Variants in ACTR3C observed in about 807,000 individuals in gnomAD.
ACTR3C encodes actin-related protein 3C.
In ACTR3C, 18 loss-of-function variants were observed where a neutral mutation model predicts 26.3. The ratio of observed to expected loss-of-function variants is 0.68; its 90% confidence interval spans 0.47 to 1.01. The LOEUF is 1.01. Among genes scored for constraint, ACTR3C ranks in the 50% least tolerant of loss-of-function variants. The pLI is 0.00. For missense variants in ACTR3C, 184 were observed against 250.7 expected, an observed-to-expected ratio of 0.73 and a Z score of 1.80; for synonymous variants, 55 against 94.5, an observed-to-expected ratio of 0.58 and a Z score of 2.42.
chr7:150,198,731 C>A, the ACTR3C span, among the ~76,000 whole-genome samples: 128 of 148,518 alleles, frequency 8.6e-4, no homozygotes, highest in African/African-American at 3.0e-3. Flanking sequence ...CGCCCGGCAG[C>A]CACCCCGTCC....
chr7:150,145,593 A>G, the ACTR3C span, among the ~76,000 whole-genome samples: 1 of 117,982 alleles, frequency 8.5e-6, no homozygotes, highest in Non-Finnish European at 1.7e-5. Context: ...TTAGTTAGCA[A>G]CATATCTGGG....
At chr7:150,195,349 T>C in the ACTR3C span, among the ~76,000 whole-genome samples, 15 of 152,108 alleles carry the variant, frequency 9.9e-5, no homozygotes, top group Non-Finnish European at 1.5e-4. Context: ...TTTTTAAATA[T>C]TCTTTGTTTC....
Position 150,323,214 on chromosome 7 carries a change from TA to T in ACTR3C, c.-52+254del, listed in dbSNP as rs1272568589. On this transcript the variant is annotated intron_variant, in intron 1 of 7. Transcript: ENST00000683684. ...CGCCTGCGCACTCAGGCACCGCAGG[TA>T]GGAGGAACGTACCAACTGCGAGGCG... is the stretch of plus-strand genomic sequence containing the variant. 3 of 233,686 alleles carry T rather than the reference TA, an allele frequency of 1.3e-5. No homozygotes were observed. The East Asian group carries it at 5.5e-4, about 43-fold the overall frequency. 14.5% of individuals were successfully genotyped at this position (233,686 alleles called of 1,614,324 possible).
chr7:150,053,385 T>C, the ACTR3C span, among the ~76,000 whole-genome samples: 1 of 152,176 alleles, frequency 6.6e-6, no homozygotes, highest in Non-Finnish European at 1.5e-5. Context: ...GTTAAAGTGA[T>C]AGGAATGAGT....
rs372769976 is a variant in ACTR3C at position 150,286,835 on chromosome 7, C to A, written c.298-295G>T. Among the ~76,000 whole-genome samples, 4 of 151,578 alleles carry A rather than the reference C, an allele frequency of 2.6e-5. No homozygotes were observed. The East Asian group carries it at 7.8e-4, about 29-fold the overall frequency. On this transcript the variant is annotated intron_variant, in intron 4 of 7. Coordinates refer to ENST00000683684, the MANE Select transcript of ACTR3C (RefSeq NM_001164458.2). Reference sequence around the variant, plus strand: ...TATCTGAAATGATGTCTACAGGTGTCTAGAAAGCACCTCGTCTTGCCTTGT... The same window carrying A: ...TATCTGAAATGATGTCTACAGGTGTATAGAAAGCACCTCGTCTTGCCTTGT...
chr7:149,943,182 T>TA, the ACTR3C span, among the ~76,000 whole-genome samples: 463 of 140,310 alleles, frequency 3.3e-3, 19 homozygotes, highest in African/African-American at 0.014. Flanking sequence ...TTGCTTCAGG[T>TA]AAAAGGAGAG....
At chr7:150,165,891 A>G in the ACTR3C span, among the ~76,000 whole-genome samples, 1 of 151,574 alleles carries the variant, frequency 6.6e-6, no homozygotes, top group African/African-American at 2.5e-5. Context: ...CATAGAATTT[A>G]TGCCCTGCGT....
chr7:150,000,503 G>A, the ACTR3C span, among the ~76,000 whole-genome samples: 2 of 77,640 alleles, frequency 2.6e-5, no homozygotes, highest in Non-Finnish European at 5.3e-5. Context: ...ATTATTTACG[G>A]CATTTCACTA....
the ACTR3C span, among the ~76,000 whole-genome samples, chr7:150,019,788 G>C: frequency 6.6e-6 from 1 of 151,896 alleles, no homozygotes; most frequent in Non-Finnish European, 1.5e-5. Flanking sequence ...AATGGGTAGA[G>C]ATCCTGCACG....
the ACTR3C span, among the ~76,000 whole-genome samples, chr7:150,135,230 C>T: frequency 1.5e-4 from 23 of 152,308 alleles, no homozygotes; most frequent in African/African-American, 5.5e-4. Context: ...TGAGATCGCG[C>T]CACTGCGCTC....
At chr7:150,218,920 A>G in the ACTR3C span, among the ~76,000 whole-genome samples, 1 of 149,748 alleles carries the variant, frequency 6.7e-6, no homozygotes, top group Non-Finnish European at 1.5e-5. Context: ...CATTTCCTGT[A>G]GATATTAAGT....
chr7:150,112,209 C>T, the ACTR3C span, among the ~76,000 whole-genome samples: 1 of 151,934 alleles, frequency 6.6e-6, no homozygotes, highest in Admixed American at 6.5e-5. Context: ...GAACATCCCC[C>T]GATGCCCTCC....
At chr7:150,116,267 A>G in the ACTR3C span, among the ~76,000 whole-genome samples, 1 of 152,238 alleles carries the variant, frequency 6.6e-6, no homozygotes, top group Non-Finnish European at 1.5e-5. Context: ...AATAAAAATA[A>G]GAGAATTCCC....
the ACTR3C span, among the ~76,000 whole-genome samples, chr7:149,908,940 C>A: frequency 3.9e-5 from 6 of 152,058 alleles, no homozygotes; most frequent in African/African-American, 1.4e-4. Context: ...CACCACCACA[C>A]CCAACTAATT....
chr7:150,050,535 A>G, the ACTR3C span, among the ~76,000 whole-genome samples: 11 of 152,244 alleles, frequency 7.2e-5, no homozygotes, highest in Admixed American at 6.5e-5. Context: ...CATAAGCAAC[A>G]GGGGAAAGAG....
chr7:150,029,412 AAAAAAC>A, the ACTR3C span, among the ~76,000 whole-genome samples: 13 of 98,350 alleles, frequency 1.3e-4, no homozygotes, highest in African/African-American at 6.7e-4. Context: ...ACAAAAAAAA[AAAAAAC>A]AAACAAAAAA....
At chr7:150,255,165 A>AATGGAAGG (rs1434057104) in intron 6 of ACTR3C, among the ~76,000 whole-genome samples, 1 of 151,816 alleles carries the variant, frequency 6.6e-6, no homozygotes, top group African/African-American at 2.4e-5. Flanking sequence ...TTGCGTGTTC[A>AATGGAAGG]ATGGAAGGAA....
chr7:150,089,115 A>G, the ACTR3C span, among the ~76,000 whole-genome samples: 1 of 152,262 alleles, frequency 6.6e-6, no homozygotes, highest in East Asian at 1.9e-4. Flanking sequence ...AAAATTTTTA[A>G]CATTTCTGAG....
chr7:150,123,421 G>T, the ACTR3C span, among the ~76,000 whole-genome samples: 5 of 152,048 alleles, frequency 3.3e-5, no homozygotes, highest in Non-Finnish European at 7.4e-5. Context: ...TGTGGCAAAG[G>T]CTGCTGCTGT....
Sources: gnomAD v4.1 joint callset for allele counts (sites outside exome capture counted in the v4.1 genomes callset) on GRCh38, gnomAD v4.1.1 for gene constraint, MANE v1.5 for transcripts, NCBI Gene and HGNC (gene_info 2026-07-23, HGNC 2026-07-21) for gene names.